The following CAMTA1 variants were observed in gnomAD, a reference collection of about 807,000 sequenced individuals.
CAMTA1 encodes the protein calmodulin binding transcription activator 1.
A neutral mutation model predicts 170.9 loss-of-function variants in CAMTA1; 27 were observed. The observed-to-expected ratio is 0.16, with a 90% CI of 0.12 to 0.22. CAMTA1 has a LOEUF of 0.22. Ranked by LOEUF, CAMTA1 falls within the 10% of genes least tolerant of loss-of-function variation. CAMTA1 has a pLI of 1.00. For synonymous variants in CAMTA1, 833 were observed against 891.5 expected (o/e 0.93, Z 1.17); for missense variants, 1,619 against 2,217.2 (o/e 0.73, Z 5.42).
chr1:7,460,975 G>A (rs2093072632), intron 5 of CAMTA1, among the ~76,000 whole-genome samples: 1 of 152,152 alleles, frequency 6.6e-6, no homozygotes, highest in African/African-American at 2.4e-5. Context: ...CCTACCGGTG[G>A]CCTGGCTGCT....
Position 6,787,872 on chromosome 1 carries a change from T to TGTAG in CAMTA1, c.45+2299_45+2302dup, listed in dbSNP as rs558224325. Among the ~76,000 whole-genome samples the TGTAG allele has an allele frequency of 6.6e-5, 10 of 152,258 alleles. No individual in the cohort carries two copies. In the South Asian group the frequency reaches 2.1e-3, roughly 32 times the overall value. ...AAAGTTCTTGATTTCTTTACTGCAGTGTAGGGGAAAGAGATTTCGTGTGTT... is the reference window on the plus strand; with the variant it reads ...AAAGTTCTTGATTTCTTTACTGCAGTGTAGGTAGGGGAAAGAGATTTCGTGTGTT... On this transcript the variant is annotated intron_variant, in intron 1 of 22. Coordinates refer to ENST00000303635, the MANE Select transcript of CAMTA1 (RefSeq NM_015215.4).
In CAMTA1 at chr1:7,213,758, C is replaced by T. The variant is rs1435422989; in HGVS notation, c.303-35733C>T. On this transcript the variant is annotated intron_variant, in intron 4 of 22. Coordinates refer to ENST00000303635, the MANE Select transcript of CAMTA1 (RefSeq NM_015215.4). Reference sequence around the variant, plus strand: ...TATCTCCTAATGCTATCCCTCCCCCCTCCGCCCACCCCACAACAGGCCCCT... The same window carrying T: ...TATCTCCTAATGCTATCCCTCCCCCTTCCGCCCACCCCACAACAGGCCCCT... Among the ~76,000 whole-genome samples, 7 of 152,076 alleles carry T rather than the reference C, an allele frequency of 4.6e-5. 1 individual carries two copies. The highest frequency in any genetic ancestry group is 2.0e-4 in the Admixed American group (3 of 15,272).
At chr1:7,506,859 TCA>T (rs2094122484) in intron 6 of CAMTA1, among the ~76,000 whole-genome samples, 1 of 151,380 alleles carries the variant, frequency 6.6e-6, no homozygotes, top group South Asian at 2.1e-4. Context: ...CACACAGAAT[TCA>T]CACTCGCTTT....
intron 3 of CAMTA1, among the ~76,000 whole-genome samples, chr1:6,999,552 T>G (rs1557949686): frequency 6.6e-6 from 1 of 152,098 alleles, no homozygotes; most frequent in Non-Finnish European, 1.5e-5. Flanking sequence ...CCTGGCTAAT[T>G]TTTGTGTTTT....
intron 4 of CAMTA1, among the ~76,000 whole-genome samples, chr1:7,103,988 G>GGACACAACACAC (rs1643230934): frequency 6.6e-6 from 1 of 150,844 alleles, no homozygotes; most frequent in African/African-American, 2.4e-5. Context: ...CAACACACAA[G>GGACACAACACAC]TACACACATG....
At chr1:7,480,552 G>C (rs1281317767) in intron 6 of CAMTA1, among the ~76,000 whole-genome samples, 1 of 151,958 alleles carries the variant, frequency 6.6e-6, no homozygotes, top group Non-Finnish European at 1.5e-5. Flanking sequence ...CCTCTGCCTT[G>C]CTATACCAGA....
intron 5 of CAMTA1, among the ~76,000 whole-genome samples, chr1:7,341,040 T>C (rs1397688221): frequency 6.6e-6 from 1 of 152,232 alleles, no homozygotes; most frequent in Non-Finnish European, 1.5e-5. Context: ...TCTTAGGCCA[T>C]GCCAAGACAC....
At chr1:7,180,835 C>T (rs1332663987) in intron 4 of CAMTA1, among the ~76,000 whole-genome samples, 1 of 152,112 alleles carries the variant, frequency 6.6e-6, no homozygotes, top group Non-Finnish European at 1.5e-5. Context: ...ACCAGATATT[C>T]TTCATTCTTT....
intron 5 of CAMTA1, among the ~76,000 whole-genome samples, chr1:7,409,673 G>T (rs558249522): frequency 1.3e-5 from 2 of 152,206 alleles, no homozygotes; most frequent in African/African-American, 4.8e-5. Context: ...AGGAACAAGG[G>T]CTCAGAGAAG....
At chr1:6,944,834 T>G (rs1197338580) in intron 3 of CAMTA1, among the ~76,000 whole-genome samples, 3 of 152,240 alleles carry the variant, frequency 2.0e-5, no homozygotes, top group African/African-American at 4.8e-5. Context: ...CTTCGAATTT[T>G]GAATTTTGAT....
At chr1:7,269,318 A>C (rs1669355662) in intron 5 of CAMTA1, among the ~76,000 whole-genome samples, 2 of 152,250 alleles carry the variant, frequency 1.3e-5, no homozygotes, top group Admixed American at 1.3e-4. Flanking sequence ...CACCTTTGTT[A>C]CCTTGCTATA....
chr1:7,616,351 A>G lies in CAMTA1; in HGVS notation c.511-24049A>G, dbSNP rs373499936. Among the ~76,000 whole-genome samples the G allele has an allele frequency of 5.9e-5, 9 of 152,206 alleles. No individual in the cohort carries two copies. In the East Asian group the frequency reaches 1.2e-3, roughly 19 times the overall value. ...CACTTCTTTTTTTCATACGCTGCTC[A>G]CTCTGTTCTTGAGCCCACGTCTTGG... On this transcript the variant is annotated intron_variant, in intron 6 of 22. Transcript: ENST00000303635.
chr1:7,139,018 TA>T (rs1188104908), intron 4 of CAMTA1, among the ~76,000 whole-genome samples: 1 of 145,224 alleles, frequency 6.9e-6, no homozygotes, highest in African/African-American at 2.5e-5. Context: ...TATATATATA[TA>T]ATTTTATATA....
At position 7,687,725 on chromosome 1, in the gene CAMTA1, C is replaced by T. The variant is rs565125226; in HGVS notation, c.2914+9992C>T. ...AGGGCAGCTTCTGTGTCCCTGGGCTCGTGGAGATGTCCCACATCTGTTCTG... is the reference window on the plus strand; with the variant it reads ...AGGGCAGCTTCTGTGTCCCTGGGCTTGTGGAGATGTCCCACATCTGTTCTG... On this transcript the variant is annotated intron_variant, in intron 11 of 22. Coordinates refer to ENST00000303635, the MANE Select transcript of CAMTA1 (RefSeq NM_015215.4). Among the ~76,000 whole-genome samples, 33 of 152,266 alleles carry T rather than the reference C, an allele frequency of 2.2e-4. 1 individual carries two copies. The South Asian group carries it at 6.6e-3, about 31-fold the overall frequency.
Position 7,455,819 on chromosome 1 carries a change from G to A in CAMTA1, c.439-12011G>A, listed in dbSNP as rs545108884. On this transcript the variant is annotated intron_variant, in intron 5 of 22. Coordinates refer to ENST00000303635, the MANE Select transcript of CAMTA1 (RefSeq NM_015215.4). This position sits in a 1 kb window ranked among gnomAD's most constrained non-coding sequence, Gnocchi z 5.0. ...TTCTGGGCAGCACTTGGCCCTCCGT[G>A]CCGTCCAGAATGGCCTCGGGGAGTG... Among the ~76,000 whole-genome samples, 2 of 152,350 alleles carry A rather than the reference G, an allele frequency of 1.3e-5. No homozygotes were observed. The highest frequency in any genetic ancestry group is 4.1e-4 in the South Asian group (2 of 4,830).
chr1:7,235,954 T>C (rs1198933983), intron 4 of CAMTA1, among the ~76,000 whole-genome samples: 1 of 152,226 alleles, frequency 6.6e-6, no homozygotes, highest in Non-Finnish European at 1.5e-5. Flanking sequence ...CTGGAATGTA[T>C]TATGAGAAGC....
chr1:7,387,632 C>T (rs1319151988), intron 5 of CAMTA1, among the ~76,000 whole-genome samples: 1 of 152,058 alleles, frequency 6.6e-6, no homozygotes, highest in Non-Finnish European at 1.5e-5. Flanking sequence ...GGCAGGTTAG[C>T]GTCAACTAAC....
At chr1:6,805,187 T>C (rs1299640278) in intron 1 of CAMTA1, among the ~76,000 whole-genome samples, 1 of 152,156 alleles carries the variant, frequency 6.6e-6, no homozygotes, top group Non-Finnish European at 1.5e-5. Context: ...TGCAAACACT[T>C]GTTATTGTCC....
intron 5 of CAMTA1, chr1:7,441,263 C>G (rs2092524300): frequency 6.6e-6 from 1 of 152,218 alleles, no homozygotes; most frequent in Admixed American, 6.5e-5. Context: ...TTTGCAATGT[C>G]CCCCAGGGGC....
Sources: gnomAD v4.1 joint callset for allele counts (sites outside exome capture counted in the v4.1 genomes callset) on GRCh38, gnomAD v4.1.1 for gene constraint, Gnocchi (gnomAD v3.1) non-coding constraint, MANE v1.5 for transcripts, NCBI Gene and HGNC (gene_info 2026-07-23, HGNC 2026-07-21) for gene names.